The following ADAMTS10 variants were observed in gnomAD, a reference collection of about 807,000 sequenced individuals.
ADAMTS10 encodes the protein ADAM metallopeptidase with thrombospondin type 1 motif 10, also known as A disintegrin and metalloproteinase with thrombospondin motifs 10.
Under a neutral mutation model 135.9 loss-of-function variants are expected in ADAMTS10, and 48 were observed. The ratio of observed to expected loss-of-function variants is 0.35; its 90% CI spans 0.28 to 0.45. The LOEUF (loss-of-function observed/expected upper bound fraction) is 0.45, where lower values mean the gene tolerates loss of function less well. ADAMTS10 is among the 20% of genes least tolerant of loss of function. ADAMTS10 has a pLI of 1.00. For missense variants in ADAMTS10, 1,131 were observed against 1,565.2 expected (o/e 0.72, Z 4.68); for synonymous variants, 621 against 647.5 (o/e 0.96, Z 0.62).
chr19:8,598,727 A>G (rs1239908847), intron 6 of ADAMTS10, among the ~76,000 whole-genome samples: 1 of 151,842 alleles, frequency 6.6e-6, no homozygotes. Context: ...GGTGCCCGCC[A>G]CCACGCCCAG....
At chr19:8,599,455 C>T (rs1217629585) in intron 6 of ADAMTS10, among the ~76,000 whole-genome samples, 4 of 151,564 alleles carry the variant, frequency 2.6e-5, no homozygotes, top group African/African-American at 9.7e-5. Context: ...CTCAGCCTCC[C>T]AAGTAGCTGG....
At chr19:8,581,077 G>C in intron 25 of ADAMTS10, 75 bp from the exon 26 acceptor site, 2 of 883,308 alleles carry the variant, frequency 2.3e-6, no homozygotes, top group Non-Finnish European at 3.5e-6. Context: ...ACGACCTGCA[G>C]TGCTTCCTGG....
At chr19:8,610,146 C>T (rs1007291338) in intron 1 of ADAMTS10, among the ~76,000 whole-genome samples, 1 of 151,806 alleles carries the variant, frequency 6.6e-6, no homozygotes, top group Admixed American at 6.6e-5. Context: ...CACACCAAAC[C>T]AGAGACAAAC....
intron 18 of ADAMTS10, among the ~76,000 whole-genome samples, chr19:8,588,446 G>A (rs918694450): frequency 3.3e-5 from 5 of 151,816 alleles, no homozygotes; most frequent in Non-Finnish European, 7.4e-5. Context: ...TCTACCTGGG[G>A]ACTGAAACTC....
intron 4 of ADAMTS10, 118 bp from the exon 5 acceptor site, chr19:8,604,002 T>G (rs1555742002): frequency 4.4e-5 from 10 of 226,980 alleles, no homozygotes; most frequent in Non-Finnish European, 5.7e-5. Flanking sequence ...TTGCTATTTC[T>G]TTTTTTTTTT....
chr19:8,594,821 G>T (rs2042583610), intron 12 of ADAMTS10, among the ~76,000 whole-genome samples: 1 of 152,212 alleles, frequency 6.6e-6, no homozygotes, highest in Non-Finnish European at 1.5e-5. Context: ...AGATGTTGAG[G>T]AGTAGCTTCA....
intron 18 of ADAMTS10, among the ~76,000 whole-genome samples, chr19:8,587,210 G>A (rs2042445888): frequency 6.6e-6 from 1 of 150,954 alleles, no homozygotes; most frequent in African/African-American, 2.4e-5. Flanking sequence ...AGGCTGGAGT[G>A]CAGTGAAGTG....
At position 8,605,083 on chromosome 19, in the gene ADAMTS10, A is replaced by C; in HGVS notation, c.364T>G (p.Cys122Gly). ...LAWQRAARPH[C>G]LYAGHLQGQA... Reference sequence around the variant, plus strand: ...CCCTGCAGGTGACCAGCGTAGAGGCAGTGGGGCCGGGCCGCCCTCTGCCAG... The same window carrying C: ...CCCTGCAGGTGACCAGCGTAGAGGCCGTGGGGCCGGGCCGCCCTCTGCCAG... The change falls in exon 4 of 26, where the codon TGC becomes GGC. Residue 122 changes from cysteine (C) to glycine (G), a missense_variant. Physicochemically the swap from Cys to Gly is radical, Grantham distance 159 (BLOSUM62 -3). Coordinates refer to ENST00000597188, the MANE Select transcript of ADAMTS10 (RefSeq NM_030957.4). This position sits in a 1 kb window ranked among gnomAD's most constrained non-coding sequence, Gnocchi z 7.7. 6.2e-7 allele frequency: 1 copy of C among 1,612,738 alleles called. No individual in the cohort carries two copies. Among genetic ancestry groups the C allele is most frequent in the South Asian group, 1.1e-5 (1 of 90,894 alleles).
chr19:8,584,377 TA>T (rs2042395107), intron 25 of ADAMTS10, among the ~76,000 whole-genome samples: 1 of 151,554 alleles, frequency 6.6e-6, no homozygotes, highest in South Asian at 2.1e-4. Context: ...CTGAACATCT[TA>T]CAGGCTGGCA....
In ADAMTS10 at chr19:8,596,988, G is replaced by A. The variant is rs782789174; in HGVS notation, c.1039C>T (p.Arg347Cys). ...CCTAGACCTCTCCTGTCCCCTCACC[G>A]TGTGATGAGCACTGCTGTGTCATGG... ...ANHDTAVLIT[R>C]YDICIYKNKP... The change falls in exon 8 of 26, where the codon CGC (arginine) becomes TGC (cysteine). Residue 347 changes from arginine (R) to cysteine (C), a missense_variant and splice_region_variant. Transcript: ENST00000597188. This position sits in a 1 kb window ranked among gnomAD's most constrained non-coding sequence, Gnocchi z 7.2. 3.1e-6 allele frequency: 5 copies of A among 1,613,224 alleles called. No homozygotes were observed. Among genetic ancestry groups the A allele is most frequent in the Admixed American group, 1.7e-5 (1 of 59,994 alleles).
chr19:8,592,535 G>A (rs1160273496), intron 13 of ADAMTS10, among the ~76,000 whole-genome samples: 3 of 151,706 alleles, frequency 2.0e-5, no homozygotes, highest in African/African-American at 4.8e-5. Context: ...GCGGGAGGGA[G>A]TTAAACAGTA....
In ADAMTS10 at chr19:8,586,226, G is replaced by A. The variant is rs782659603; in HGVS notation, c.2556C>T (p.Cys852=). The part of the protein sequence containing the change: ...AGGSQVQAVE[C]RNQLDSSAVA... Reference sequence around the variant, plus strand: ...CCGCGGAGCTGTCCAGCTGGTTGCGGCACTCCACCGCCTGCACCTGGCTAC... The same window carrying A: ...CCGCGGAGCTGTCCAGCTGGTTGCGACACTCCACCGCCTGCACCTGGCTAC... Residue 852 remains cysteine (C), a synonymous_variant, in exon 22 of 26, where the codon TGC becomes TGT. Transcript: ENST00000597188. 5 of 1,612,832 alleles carry A rather than the reference G, an allele frequency of 3.1e-6. No individual in the cohort carries two copies. In the South Asian group the frequency reaches 4.4e-5, roughly 14 times the overall value.
intron 18 of ADAMTS10, among the ~76,000 whole-genome samples, chr19:8,587,217 A>C (rs1409741260): frequency 6.6e-6 from 1 of 150,386 alleles, no homozygotes; most frequent in Non-Finnish European, 1.5e-5. Flanking sequence ...AGTGCAGTGA[A>C]GTGATCTTGG....
At chr19:8,589,394 C>T in intron 17 of ADAMTS10, 29 bp from the exon 18 acceptor site, 1 of 1,610,498 alleles carries the variant, frequency 6.2e-7, no homozygotes, top group Non-Finnish European at 8.5e-7. Flanking sequence ...AGTGAGGCGA[C>T]CCCCTAACCC....
At position 8,585,059 on chromosome 19, in the gene ADAMTS10, G is replaced by GGGGGC. The variant is rs2042406028; in HGVS notation, c.3043-6_3043-5insGCCCC. 9 of 1,516,654 alleles carry GGGGGC rather than the reference G, an allele frequency of 5.9e-6. No individual in the cohort carries two copies. In the African/African-American group the frequency reaches 1.1e-4, roughly 19 times the overall value. 93.9% of individuals were successfully genotyped at this position (1,516,654 alleles called of 1,614,324 possible). The stretch of plus-strand genomic sequence containing the variant: ...GACGCCGCACTGTGCAGAGCACTGC[G>GGGGGC]AGGGGGCACCACTCAGTTGCTGCCC... On this transcript the variant is annotated splice_polypyrimidine_tract_variant and splice_region_variant and intron_variant, in intron 24 of 25. Coordinates refer to ENST00000597188, the MANE Select transcript of ADAMTS10 (RefSeq NM_030957.4).
chr19:8,598,651 A>C (rs2042631153), intron 6 of ADAMTS10, among the ~76,000 whole-genome samples: 1 of 129,712 alleles, frequency 7.7e-6, no homozygotes, highest in Non-Finnish European at 1.5e-5. Flanking sequence ...ATCTTGGCTC[A>C]CTCACCTCCA....
rs782474654 is a variant in ADAMTS10, at chr19:8,603,783, C to T, written c.537G>A (p.Val179=). Reference sequence around the variant, plus strand: ...GGTGACGCAGAGAGGAACGCTTGTACACCACATGTGGTCCACTTTCCTCCG... The same window carrying T: ...GGTGACGCAGAGAGGAACGCTTGTATACCACATGTGGTCCACTTTCCTCCG... ...RSPEESGPHV[V]YKRSSLRHPH... The change falls in exon 5 of 26, where the codon GTG becomes GTA. Residue 179 remains valine (V), a synonymous_variant. Transcript: ENST00000597188. 4 of 1,614,070 alleles carry T rather than the reference C, an allele frequency of 2.5e-6. No individual in the cohort carries two copies. Among genetic ancestry groups the T allele is most frequent in the African/African-American group, 1.3e-5 (1 of 74,918 alleles).
chr19:8,586,937 C>T lies in ADAMTS10; in HGVS notation c.2159-41G>A, dbSNP rs1555737438. On this transcript the variant is annotated intron_variant, in intron 18 of 25. Transcript: ENST00000597188. ...CAGATGTCACCCACTTGGCATGTCC[C>T]CAACACCTGCCTGCCTCCCCTGTCC... 4 of 1,598,450 alleles carry T rather than the reference C, an allele frequency of 2.5e-6. No homozygotes were observed. In the African/African-American group the frequency reaches 5.4e-5, roughly 21 times the overall value.
chr19:8,605,901 A>G lies in ADAMTS10; in HGVS notation c.-99-92T>C. 1 of 1,228,330 alleles carries G rather than the reference A, an allele frequency of 8.1e-7. No homozygotes were observed. The highest frequency in any genetic ancestry group is 1.1e-6 in the Non-Finnish European group (1 of 912,854). 76.1% of individuals were successfully genotyped at this position (1,228,330 alleles called of 1,614,324 possible). ...AATCATGGCCAAAGCTTTTCACCTG[A>G]CTCTGAAGATTCTGAATGCATTTTC... is the stretch of plus-strand genomic sequence containing the variant. On this transcript the variant is annotated intron_variant, in intron 2 of 25. Transcript: ENST00000597188. The surrounding 1 kb of genome is among the most constrained non-coding windows in gnomAD (Gnocchi z 7.7).
Sources: allele counts gnomAD v4.1 joint callset (sites outside exome capture counted in the v4.1 genomes callset), GRCh38; gene constraint gnomAD v4.1.1; non-coding constraint Gnocchi (gnomAD v3.1); transcripts MANE v1.5; gene names NCBI Gene and HGNC (gene_info 2026-07-23, HGNC 2026-07-21).